Variants in LARGE1 observed in about 807,000 individuals in gnomAD.
LARGE1 encodes the protein xylosyl- and glucuronyltransferase LARGE1.
Under a neutral mutation model 87.6 loss-of-function variants are expected in LARGE1, and 43 were observed. The observed-to-expected ratio is 0.49, with a 90% CI of 0.38 to 0.63. LARGE1 has a LOEUF of 0.63. Ranked by LOEUF, LARGE1 falls within the 30% of genes least tolerant of loss-of-function variation. The pLI is 0.00. For missense variants in LARGE1, 802 were observed against 1,000.2 expected (o/e 0.80, Z 2.67); for synonymous variants, 434 against 394.6 (o/e 1.10, Z -1.18).
chr22:33,630,858 CTT>C (rs534058941), intron 3 of LARGE1, among the ~76,000 whole-genome samples: 6 of 146,040 alleles, frequency 4.1e-5, no homozygotes, highest in Admixed American at 2.7e-4. Flanking sequence ...TTAACTATCT[CTT>C]TTTTTTTTTT....
At chr22:33,767,029 A>C (rs2084930098) in intron 1 of LARGE1, among the ~76,000 whole-genome samples, 1 of 147,026 alleles carries the variant, frequency 6.8e-6, no homozygotes. Flanking sequence ...TTATTTAAAA[A>C]TTGGCCAGGC....
intron 6 of LARGE1, among the ~76,000 whole-genome samples, chr22:33,432,657 C>G (rs2067122373): frequency 6.6e-6 from 1 of 152,154 alleles, no homozygotes; most frequent in African/African-American, 2.4e-5. Context: ...GACAGGCATA[C>G]TATTTCTCAA....
At chr22:33,433,519 C>G (rs1175182406) in intron 6 of LARGE1, among the ~76,000 whole-genome samples, 10 of 149,118 alleles carry the variant, frequency 6.7e-5, no homozygotes, top group African/African-American at 2.5e-4. Context: ...TGGCATGAAT[C>G]CGGAAGGCGG....
At chr22:33,302,432 G>C (rs918704504) in intron 12 of LARGE1, among the ~76,000 whole-genome samples, 1 of 152,264 alleles carries the variant, frequency 6.6e-6, no homozygotes, top group East Asian at 1.9e-4. Flanking sequence ...CCCCAGGGGA[G>C]GGATTAACAC....
At chr22:33,275,651 T>C (rs796309821) in intron 14 of LARGE1, among the ~76,000 whole-genome samples, 16 of 152,306 alleles carry the variant, frequency 1.1e-4, no homozygotes, top group African/African-American at 3.8e-4. Context: ...AGGTGTGCAC[T>C]CATTATTTCC....
intron 2 of LARGE1, among the ~76,000 whole-genome samples, chr22:33,724,612 G>C (rs2083211003): frequency 6.6e-6 from 1 of 152,206 alleles, no homozygotes; most frequent in Non-Finnish European, 1.5e-5. Flanking sequence ...CTATGGTACG[G>C]GAGACCCATT....
At chr22:33,507,467 T>C (rs1398181220) in intron 6 of LARGE1, among the ~76,000 whole-genome samples, 1 of 152,070 alleles carries the variant, frequency 6.6e-6, no homozygotes, top group African/African-American at 2.4e-5. Flanking sequence ...GCAAACATCA[T>C]ATGACTCCAC....
intron 2 of LARGE1, among the ~76,000 whole-genome samples, chr22:33,727,021 G>C (rs1466136692): frequency 6.6e-6 from 1 of 152,168 alleles, no homozygotes; most frequent in Non-Finnish European, 1.5e-5. Flanking sequence ...AGCCGGGTAG[G>C]GAGAATCAGT....
At chr22:33,611,154 C>A (rs553995664) in intron 4 of LARGE1, among the ~76,000 whole-genome samples, 11 of 152,240 alleles carry the variant, frequency 7.2e-5, no homozygotes, top group Non-Finnish European at 1.5e-4. Flanking sequence ...AGACCCCACA[C>A]AAAGTCCCCT....
chr22:33,498,308 T>C (rs5749621), intron 6 of LARGE1, among the ~76,000 whole-genome samples: 49,073 of 152,010 alleles, frequency 0.32, 8,761 homozygotes, highest in African/African-American at 0.47. Flanking sequence ...AGATTTCCTT[T>C]AGCCTCAAAT....
intron 1 of LARGE1, among the ~76,000 whole-genome samples, chr22:33,852,085 C>T (rs1363647861): frequency 6.6e-6 from 1 of 152,216 alleles, no homozygotes; most frequent in African/African-American, 2.4e-5. Flanking sequence ...GCTATTAGAG[C>T]CAGGCTGGCT....
rs1160067357 is a variant in LARGE1 at position 33,660,070 on chromosome 22, T to TTGTG, written c.107-9406_107-9403dup. Reference sequence around the variant, plus strand: ...TGATTTCAAAGCTTCAAATGTTTTGTTGTGTGTGTGTGTGTGTGTGTTTTT... The same window carrying TTGTG: ...TGATTTCAAAGCTTCAAATGTTTTGTTGTGTGTGTGTGTGTGTGTGTGTGTTTTT... On this transcript the variant is annotated intron_variant, in intron 2 of 14. Coordinates refer to ENST00000397394, the MANE Select transcript of LARGE1 (RefSeq NM_133642.5). 1.1e-3 allele frequency among the ~76,000 whole-genome samples: 161 copies of TTGTG among 141,162 alleles called. 1 individual carries two copies. Among genetic ancestry groups the TTGTG allele is most frequent in the African/African-American group, 4.0e-3 (145 of 36,264 alleles). 92.6% of individuals were successfully genotyped at this position (141,162 alleles called of 152,430 possible). A position where few individuals can be genotyped will look rare whatever the true frequency, so the allele number is the denominator to read the frequency against.
intron 14 of LARGE1, among the ~76,000 whole-genome samples, chr22:33,276,662 G>T (rs988321645): frequency 6.6e-6 from 1 of 152,208 alleles, no homozygotes; most frequent in South Asian, 2.1e-4. Context: ...TTTAGTAAAG[G>T]GTGGAATAAC....
chr22:33,203,682 C>T (rs532751040), intron 11 of LARGE1, among the ~76,000 whole-genome samples: 4 of 152,236 alleles, frequency 2.6e-5, no homozygotes, highest in South Asian at 2.1e-4. Flanking sequence ...CCCTGGATTT[C>T]CCCAGCAACT....
chr22:33,154,515 C>G, the LARGE1 span, among the ~76,000 whole-genome samples: 18 of 152,286 alleles, frequency 1.2e-4, no homozygotes, highest in South Asian at 2.1e-4. Flanking sequence ...GTTAGGATTA[C>G]AGGTGTGAGC....
At chr22:33,736,223 T>C (rs1293573548) in intron 2 of LARGE1, among the ~76,000 whole-genome samples, 1 of 152,226 alleles carries the variant, frequency 6.6e-6, no homozygotes, top group Non-Finnish European at 1.5e-5. Flanking sequence ...CCCAACTGTT[T>C]TCCAAAGTGG....
intron 6 of LARGE1, among the ~76,000 whole-genome samples, chr22:33,529,755 A>G (rs2072104133): frequency 6.6e-6 from 1 of 152,216 alleles, no homozygotes; most frequent in Admixed American, 6.5e-5. Context: ...CACGGGCTTC[A>G]AAGGCAAACC....
chr22:33,454,939 C>A (rs1265604506), intron 6 of LARGE1, among the ~76,000 whole-genome samples: 3 of 152,326 alleles, frequency 2.0e-5, no homozygotes, highest in Middle Eastern at 6.8e-3. Context: ...ACCTCCAACA[C>A]TGGGGATTAC....
chr22:33,504,111 G>C (rs749491599), intron 6 of LARGE1, among the ~76,000 whole-genome samples: 1 of 152,204 alleles, frequency 6.6e-6, no homozygotes, highest in Non-Finnish European at 1.5e-5. Flanking sequence ...TAGCTGCCTA[G>C]GGCAGCGGTA....
Sources: allele counts gnomAD v4.1 joint callset (sites outside exome capture counted in the v4.1 genomes callset), GRCh38; gene constraint gnomAD v4.1.1; transcripts MANE v1.5; gene names NCBI Gene and HGNC (gene_info 2026-07-23, HGNC 2026-07-21).